EYS: variants seen among roughly 807,000 people sequenced by gnomAD.
EYS encodes the protein protein eyes shut homolog.
EYS carries 250 observed loss-of-function variants against 282.1 expected under a neutral mutation model. The ratio of observed to expected loss-of-function variants is 0.89; its 90% CI spans 0.80 to 0.98. The LOEUF (loss-of-function observed/expected upper bound fraction) is 0.98, where lower values mean the gene tolerates loss of function less well. Among genes scored for constraint, EYS ranks in the 50% least tolerant of loss-of-function variants. EYS has a pLI of 0.00. For synonymous variants in EYS, 1,355 were observed against 1,282.9 expected (o/e 1.06, Z -1.20); for missense variants, 4,016 against 3,709.0 (o/e 1.08, Z -2.15).
intron 19 of EYS, among the ~76,000 whole-genome samples, chr6:64,826,030 T>C (rs1765047260): frequency 6.6e-6 from 1 of 151,912 alleles, no homozygotes. Context: ...TTATTAGACA[T>C]GATCAAAGCC....
At chr6:65,049,475 G>A (rs898588357) in intron 13 of EYS, among the ~76,000 whole-genome samples, 3 of 151,708 alleles carry the variant, frequency 2.0e-5, no homozygotes, top group Non-Finnish European at 4.4e-5. Context: ...CTGGGAAATA[G>A]GTAGTTGACA....
chr6:65,437,666 T>C (rs776913366), intron 5 of EYS, among the ~76,000 whole-genome samples: 4 of 152,154 alleles, frequency 2.6e-5, no homozygotes, highest in Non-Finnish European at 4.4e-5. Flanking sequence ...TTTAAGAAAC[T>C]TGGCATCCAA....
intron 22 of EYS, among the ~76,000 whole-genome samples, chr6:64,775,351 C>T (rs1205466241): frequency 4.0e-5 from 6 of 151,878 alleles, no homozygotes; most frequent in Middle Eastern, 3.2e-3. Context: ...CATGCTTTTA[C>T]CTCAATAAAA....
chr6:64,625,079 C>T (rs1053978034), intron 23 of EYS, among the ~76,000 whole-genome samples: 13 of 152,082 alleles, frequency 8.5e-5, no homozygotes, highest in African/African-American at 3.1e-4. Context: ...TACATATATT[C>T]CTGAGAAATT....
chr6:65,525,027 T>A (rs938277412), intron 2 of EYS, among the ~76,000 whole-genome samples: 2 of 151,536 alleles, frequency 1.3e-5, no homozygotes, highest in Admixed American at 6.6e-5. Context: ...TTTCCATCCT[T>A]GCCACCATGG....
intron 22 of EYS, among the ~76,000 whole-genome samples, chr6:64,636,222 G>A (rs867055856): frequency 6.6e-5 from 10 of 152,204 alleles, no homozygotes; most frequent in South Asian, 2.1e-4. Flanking sequence ...AAACAGCATG[G>A]TACTAGTACC....
At chr6:64,636,578 A>G (rs1044356093) in intron 22 of EYS, among the ~76,000 whole-genome samples, 1 of 152,194 alleles carries the variant, frequency 6.6e-6, no homozygotes, top group African/African-American at 2.4e-5. Context: ...ACAAAAGCCA[A>G]AATTGACAAA....
At chr6:65,581,078 T>C (rs1051041922) in intron 2 of EYS, among the ~76,000 whole-genome samples, 4 of 152,108 alleles carry the variant, frequency 2.6e-5, no homozygotes, top group African/African-American at 9.7e-5. Context: ...GAATTATCTA[T>C]TAACATAATT....
Position 65,217,995 on chromosome 6 carries a change from T to G in EYS, c.2023+77868A>C, listed in dbSNP as rs1041578840. Among the ~76,000 whole-genome samples the G allele has an allele frequency of 5.9e-5, 9 of 152,094 alleles. 1 individual carries two copies. Among genetic ancestry groups the G allele is most frequent in the African/African-American group, 2.2e-4 (9 of 41,454 alleles). ...TTACATTGTCTCCATTGAGAGATCT[T>G]GGTAACCTTTACTGAGGATGTCACA... On this transcript the variant is annotated intron_variant, in intron 12 of 42. Coordinates refer to ENST00000503581, the MANE Select transcript of EYS (RefSeq NM_001142800.2).
chr6:64,119,035 T>TA (rs1227941862), intron 31 of EYS, among the ~76,000 whole-genome samples: 1 of 152,038 alleles, frequency 6.6e-6, no homozygotes, highest in Non-Finnish European at 1.5e-5. Context: ...AACAAAAAGA[T>TA]AAAAAATAAA....
chr6:64,550,182 T>C (rs1765026734), intron 26 of EYS, among the ~76,000 whole-genome samples: 1 of 152,214 alleles, frequency 6.6e-6, no homozygotes, highest in Non-Finnish European at 1.5e-5. Flanking sequence ...TTGTGAATAG[T>C]GGCGCAATAA....
intron 35 of EYS, among the ~76,000 whole-genome samples, chr6:63,959,254 T>A (rs530910306): frequency 6.6e-6 from 1 of 151,904 alleles, no homozygotes; most frequent in East Asian, 1.9e-4. Context: ...CCAACAAACA[T>A]GAAAAAAAGT....
chr6:64,425,901 G>A (rs1224715600), intron 28 of EYS, among the ~76,000 whole-genome samples: 1 of 152,042 alleles, frequency 6.6e-6, no homozygotes, highest in Non-Finnish European at 1.5e-5. Context: ...ATGGAAAGTA[G>A]AGAAGCGATG....
chr6:64,617,681 G>A (rs1767318330), intron 23 of EYS, 148 bp from the exon 24 acceptor site: 2 of 613,304 alleles, frequency 3.3e-6, no homozygotes, highest in Non-Finnish European at 5.8e-6. Context: ...TTCATGATCA[G>A]TTTATCAGGT....
intron 5 of EYS, among the ~76,000 whole-genome samples, chr6:65,475,091 A>C (rs1214336124): frequency 6.6e-6 from 1 of 152,136 alleles, no homozygotes; most frequent in Non-Finnish European, 1.5e-5. Context: ...AAAATAAATT[A>C]CTCAGAAAAT....
At chr6:65,631,724 G>A (rs150424369) in intron 2 of EYS, among the ~76,000 whole-genome samples, 3 of 152,238 alleles carry the variant, frequency 2.0e-5, no homozygotes, top group African/African-American at 7.2e-5. Flanking sequence ...AAATAAGATT[G>A]TGTCAGCAGT....
At chr6:63,983,582 T>C (rs1767209835) in intron 35 of EYS, among the ~76,000 whole-genome samples, 1 of 151,864 alleles carries the variant, frequency 6.6e-6, no homozygotes, top group African/African-American at 2.4e-5. Flanking sequence ...AATTATTGAC[T>C]GCTTGATAGC....
intron 5 of EYS, among the ~76,000 whole-genome samples, chr6:65,459,038 G>A (rs1764726474): frequency 1.3e-5 from 2 of 152,014 alleles, no homozygotes; most frequent in African/African-American, 4.8e-5. Context: ...AATAGGATTT[G>A]TTCTAAAAAA....
chr6:65,472,859 TA>T (rs899909768), intron 5 of EYS, among the ~76,000 whole-genome samples: 4 of 151,988 alleles, frequency 2.6e-5, no homozygotes, highest in Admixed American at 6.6e-5. Context: ...TCTTAAGATT[TA>T]TTTTTTTTTA....
Sources: allele counts gnomAD v4.1 joint callset (sites outside exome capture counted in the v4.1 genomes callset), GRCh38; gene constraint gnomAD v4.1.1; transcripts MANE v1.5; gene names NCBI Gene and HGNC (gene_info 2026-07-23, HGNC 2026-07-21).